Variants in UGGT2 observed in about 807,000 individuals in gnomAD.
UGGT2 encodes UDP-glucose glycoprotein glucosyltransferase 2.
Under a neutral mutation model 192.1 loss-of-function variants are expected in UGGT2, and 180 were observed. The observed-to-expected ratio is 0.94, with a 90% CI of 0.83 to 1.06. UGGT2 has a LOEUF of 1.06. UGGT2 is among the 50% of genes least tolerant of loss of function. The pLI is 0.00. For synonymous variants in UGGT2, 580 were observed against 591.0 expected, an observed-to-expected ratio of 0.98 and a Z score of 0.27; for missense variants, 1,849 against 1,795.7, an observed-to-expected ratio of 1.03 and a Z score of -0.54.
chr13:96,011,325 G>A (rs920936911), intron 5 of UGGT2, among the ~76,000 whole-genome samples: 1 of 151,974 alleles, frequency 6.6e-6, no homozygotes, highest in Admixed American at 6.6e-5. Flanking sequence ...GAATATGTTT[G>A]TAAATCATGT....
intron 20 of UGGT2, among the ~76,000 whole-genome samples, chr13:95,913,648 A>G (rs1483882333): frequency 6.6e-6 from 1 of 152,242 alleles, no homozygotes; most frequent in Non-Finnish European, 1.5e-5. Context: ...GTGAGTGTAA[A>G]TTAGTTCAAC....
chr13:95,841,056 T>C (rs1217722534), intron 36 of UGGT2, among the ~76,000 whole-genome samples: 2 of 151,716 alleles, frequency 1.3e-5, no homozygotes, highest in East Asian at 3.9e-4. Flanking sequence ...ATTGGAGGGC[T>C]GGGGGAAGCG....
chr13:96,000,135 G>A (rs551281814), intron 5 of UGGT2, among the ~76,000 whole-genome samples: 1 of 152,202 alleles, frequency 6.6e-6, no homozygotes, highest in South Asian at 2.1e-4. Flanking sequence ...ACATCTCAAG[G>A]GGTTAGAAAA....
At chr13:95,948,144 T>C in intron 13 of UGGT2, 63 bp from the exon 14 acceptor site, 2 of 1,378,148 alleles carry the variant, frequency 1.5e-6, no homozygotes, top group Non-Finnish European at 2.0e-6. Context: ...AATTCAAGTT[T>C]AGACTAATTT....
chr13:96,034,560 G>A (rs545828048), intron 1 of UGGT2, among the ~76,000 whole-genome samples: 1 of 152,326 alleles, frequency 6.6e-6, no homozygotes, highest in African/African-American at 2.4e-5. Context: ...CAATGAAAAG[G>A]AGAGAAGAGC....
At chr13:95,838,748 G>A (rs1252418226) in intron 36 of UGGT2, among the ~76,000 whole-genome samples, 1 of 152,026 alleles carries the variant, frequency 6.6e-6, no homozygotes, top group Non-Finnish European at 1.5e-5. Context: ...GACACCCTTA[G>A]TTCCTTGGAA....
intron 1 of UGGT2, among the ~76,000 whole-genome samples, chr13:96,048,187 T>C (rs183024084): frequency 1.3e-5 from 2 of 152,122 alleles, no homozygotes; most frequent in African/African-American, 2.4e-5. Context: ...AATTCACTCA[T>C]AACCACTCAA....
intron 36 of UGGT2, among the ~76,000 whole-genome samples, chr13:95,849,759 G>C (rs1888841642): frequency 6.6e-6 from 1 of 151,510 alleles, no homozygotes. Flanking sequence ...TGGGGGTTTA[G>C]TGTGCAAATT....
At chr13:95,895,350 T>G in intron 22 of UGGT2, 46 bp from the exon 23 acceptor site, 4 of 1,185,950 alleles carry the variant, frequency 3.4e-6, no homozygotes, top group Non-Finnish European at 4.5e-6. Flanking sequence ...CTAGAAGATA[T>G]CAGTTTAGGA....
intron 36 of UGGT2, among the ~76,000 whole-genome samples, chr13:95,846,506 A>T (rs1888478358): frequency 6.6e-6 from 1 of 152,174 alleles, no homozygotes; most frequent in Non-Finnish European, 1.5e-5. Flanking sequence ...CAATTTTTAC[A>T]ACTTTTCTTA....
Position 96,023,719 on chromosome 13 carries a change from A to C in UGGT2, c.282T>G (p.Ala94=). The change falls in exon 3 of 39, where the codon GCT becomes GCG. Residue 94 remains alanine, a synonymous_variant. Coordinates refer to ENST00000376747, the MANE Select transcript of UGGT2 (RefSeq NM_020121.4). ...TGTGTAAATTGTCTAGAAACTGTCCAGCTTTCTTCAGGATTAAGTTGTAAT... is the reference window on the plus strand; with the variant it reads ...TGTGTAAATTGTCTAGAAACTGTCCCGCTTTCTTCAGGATTAAGTTGTAAT... The part of the protein sequence containing the change: ...YSYYNLILKK[A]GQFLDNLHIN... 1 of 1,609,376 alleles carries C rather than the reference A, an allele frequency of 6.2e-7. No individual in the cohort carries two copies. The highest frequency in any genetic ancestry group is 8.5e-7 in the Non-Finnish European group (1 of 1,176,764).
chr13:96,020,443 T>C (rs1484303567), intron 4 of UGGT2, among the ~76,000 whole-genome samples: 1 of 152,212 alleles, frequency 6.6e-6, no homozygotes, highest in Non-Finnish European at 1.5e-5. Flanking sequence ...GGGGTGTCCA[T>C]GTGTGGTAGT....
At chr13:95,835,474 T>A (rs1040262471) in intron 37 of UGGT2, among the ~76,000 whole-genome samples, 3 of 152,198 alleles carry the variant, frequency 2.0e-5, no homozygotes, top group African/African-American at 7.2e-5. Context: ...TTTATGAAAT[T>A]CCCTTGCTTA....
intron 9 of UGGT2, 67 bp from the exon 10 acceptor site, chr13:95,983,931 A>G (rs1408937092): frequency 3.9e-5 from 40 of 1,014,492 alleles, no homozygotes; most frequent in Non-Finnish European, 4.8e-5. Flanking sequence ...ATATAACCCA[A>G]TGTAATCTAA....
chr13:96,006,349 G>A (rs1359778651), intron 5 of UGGT2, among the ~76,000 whole-genome samples: 1 of 152,202 alleles, frequency 6.6e-6, no homozygotes, highest in African/African-American at 2.4e-5. Context: ...GGCTGGCTGG[G>A]TGCAGTGGCT....
chr13:95,849,161 A>AAT (rs1888764873), intron 36 of UGGT2, among the ~76,000 whole-genome samples: 1 of 152,180 alleles, frequency 6.6e-6, no homozygotes, highest in Admixed American at 6.5e-5. Context: ...ATCCCTACAC[A>AAT]AATGATATTA....
chr13:95,884,427 T>C (rs2047586136), intron 27 of UGGT2, 64 bp downstream of exon 27: 1 of 1,322,824 alleles, frequency 7.6e-7, no homozygotes, highest in South Asian at 1.9e-5. Flanking sequence ...TTGCTACAAT[T>C]GTAATAGCTG....
chr13:95,901,037 A>G (rs1158029978), intron 21 of UGGT2, 99 bp from the exon 22 acceptor site: 1 of 856,788 alleles, frequency 1.2e-6, no homozygotes, highest in Non-Finnish European at 1.5e-6. Flanking sequence ...ATTTTAAATA[A>G]TACTTTCAAA....
intron 38 of UGGT2, among the ~76,000 whole-genome samples, chr13:95,832,248 T>C (rs1300916820): frequency 1.3e-5 from 2 of 152,018 alleles, no homozygotes; most frequent in African/African-American, 4.8e-5. Flanking sequence ...CAATAGGAGT[T>C]CAGGGGGTTT....
Sources: gnomAD v4.1 joint callset for allele counts (sites outside exome capture counted in the v4.1 genomes callset) on GRCh38, gnomAD v4.1.1 for gene constraint, MANE v1.5 for transcripts, NCBI Gene and HGNC (gene_info 2026-07-23, HGNC 2026-07-21) for gene names.